Variants in ZBTB8A observed in about 807,000 individuals in gnomAD.
ZBTB8A encodes the protein zinc finger and BTB domain containing 8A.
A neutral mutation model predicts 37.8 loss-of-function variants in ZBTB8A; 19 were observed. That is an observed-to-expected ratio of 0.50 (90% CI 0.35 to 0.74). The LOEUF (loss-of-function observed/expected upper bound fraction) is 0.74, where lower values mean the gene tolerates loss of function less well. Among genes scored for constraint, ZBTB8A ranks in the 30% least tolerant of loss-of-function variants. ZBTB8A has a pLI of 0.01. For missense variants in ZBTB8A, 394 were observed against 537.8 expected (o/e 0.73, Z 2.65); for synonymous variants, 181 against 185.2 (o/e 0.98, Z 0.19).
At chr1:32,544,073 A>C (rs1284008698) in intron 1 of ZBTB8A, among the ~76,000 whole-genome samples, 1 of 152,196 alleles carries the variant, frequency 6.6e-6, no homozygotes, top group Non-Finnish European at 1.5e-5. Context: ...GGGCTCAACC[A>C]GTCCTCTGCC....
At position 32,598,595 on chromosome 1, in the gene ZBTB8A, A is replaced by G. The variant is rs191953698; in HGVS notation, c.994-1492A>G. ...TTCTGCACTGTCCTGACTTTATTTAAATGAATATTCCATAAACATTGATTC... is the reference window on the plus strand; with the variant it reads ...TTCTGCACTGTCCTGACTTTATTTAGATGAATATTCCATAAACATTGATTC... On this transcript the variant is annotated intron_variant, in intron 4 of 4. Transcript: ENST00000373510. Among the ~76,000 whole-genome samples, 55 of 152,194 alleles carry G rather than the reference A, an allele frequency of 3.6e-4. No individual in the cohort carries two copies. The East Asian group carries it at 8.9e-3, about 25-fold the overall frequency.
intron 1 of ZBTB8A, among the ~76,000 whole-genome samples, chr1:32,542,313 G>A (rs1390943291): frequency 6.6e-6 from 1 of 150,876 alleles, no homozygotes; most frequent in Non-Finnish European, 1.5e-5. Flanking sequence ...CCAACACTTT[G>A]GGAGGCCAAG....
chr1:32,591,749 T>TA (rs1644491836), intron 2 of ZBTB8A, among the ~76,000 whole-genome samples: 1 of 152,170 alleles, frequency 6.6e-6, no homozygotes, highest in African/African-American at 2.4e-5. Context: ...TCTCTATATT[T>TA]AAAAAATGAA....
chr1:32,559,457 AT>A (rs1644227061), intron 2 of ZBTB8A, among the ~76,000 whole-genome samples: 1 of 148,942 alleles, frequency 6.7e-6, no homozygotes, highest in African/African-American at 2.5e-5. Context: ...AGGTGACAGT[AT>A]TTTTTTGTTT....
intron 2 of ZBTB8A, among the ~76,000 whole-genome samples, chr1:32,586,650 T>C (rs1315123521): frequency 6.6e-6 from 1 of 151,962 alleles, no homozygotes; most frequent in African/African-American, 2.4e-5. Flanking sequence ...GTAGAGAGAC[T>C]GGCAAGTACA....
intron 2 of ZBTB8A, among the ~76,000 whole-genome samples, chr1:32,576,235 C>T (rs968670453): frequency 2.6e-5 from 4 of 152,170 alleles, no homozygotes; most frequent in African/African-American, 4.8e-5. Flanking sequence ...ACATAGCCTG[C>T]AAAGCCAAAA....
In ZBTB8A at chr1:32,586,538, T is replaced by C. The variant is rs923972852; in HGVS notation, c.-1-6393T>C. ...TACAGAGAGTGAGAAGGAGTGCTTA[T>C]AGATTGTTAAAGGAAAGCCTGTCTG... On this transcript the variant is annotated intron_variant, in intron 2 of 4. Transcript: ENST00000373510. Among the ~76,000 whole-genome samples, 6 of 152,020 alleles carry C rather than the reference T, an allele frequency of 3.9e-5. 1 individual carries two copies. The highest frequency in any genetic ancestry group is 1.5e-4 in the African/African-American group (6 of 41,330).
chr1:32,593,012 T>A lies in ZBTB8A; in HGVS notation c.81T>A (p.Ser27Arg). ...QRRQDVFCDC[S>R]ILVEGKVFKA... ...GGCAAGATGTATTTTGTGACTGCAGTATTCTAGTTGAAGGGAAGGTCTTCA... is the reference window on the plus strand; with the variant it reads ...GGCAAGATGTATTTTGTGACTGCAGAATTCTAGTTGAAGGGAAGGTCTTCA... Residue 27 changes from serine to arginine, a missense_variant, in exon 3 of 5, where the codon AGT becomes AGA. Physicochemically the swap from Ser to Arg is moderately radical, Grantham distance 110. Transcript: ENST00000373510. 1 of 1,614,216 alleles carries A rather than the reference T, an allele frequency of 6.2e-7. No individual in the cohort carries two copies. Among genetic ancestry groups the A allele is most frequent in the Non-Finnish European group, 8.5e-7 (1 of 1,180,050 alleles).
rs565070696 is a variant in ZBTB8A, at chr1:32,550,215, A to C, written c.-83-3244A>C. ...AAAAAAGGATCCTGAGTGTCCATCC[A>C]CAGATCAACTCTAATATCTGCTAGA... On this transcript the variant is annotated intron_variant, in intron 1 of 4. Coordinates refer to ENST00000373510, the MANE Select transcript of ZBTB8A (RefSeq NM_001040441.3). 3.3e-5 allele frequency among the ~76,000 whole-genome samples: 5 copies of C among 152,248 alleles called. No homozygotes were observed. In the South Asian group the frequency reaches 1.0e-3, roughly 32 times the overall value.
chr1:32,555,756 T>G (rs1456764842), intron 2 of ZBTB8A, among the ~76,000 whole-genome samples: 1 of 152,114 alleles, frequency 6.6e-6, no homozygotes, highest in Non-Finnish European at 1.5e-5. Flanking sequence ...GACCAGCATT[T>G]CTAGTGGCCT....
intron 2 of ZBTB8A, among the ~76,000 whole-genome samples, chr1:32,580,668 A>G (rs1162755534): frequency 6.6e-6 from 1 of 152,158 alleles, no homozygotes; most frequent in Non-Finnish European, 1.5e-5. Flanking sequence ...GTTTGTCAGT[A>G]CCCACTTAAC....
intron 2 of ZBTB8A, among the ~76,000 whole-genome samples, chr1:32,559,174 T>A (rs1644225281): frequency 6.6e-6 from 1 of 152,046 alleles, no homozygotes; most frequent in Non-Finnish European, 1.5e-5. Flanking sequence ...TGCAATGGCG[T>A]GATCTCAGCT....
intron 2 of ZBTB8A, among the ~76,000 whole-genome samples, chr1:32,556,665 T>C (rs1472349891): frequency 6.6e-6 from 1 of 151,610 alleles, no homozygotes; most frequent in African/African-American, 2.4e-5. Flanking sequence ...GATCATGAGG[T>C]CAAGATATCA....
intron 2 of ZBTB8A, among the ~76,000 whole-genome samples, chr1:32,585,384 T>A (rs781025556): frequency 6.6e-6 from 1 of 151,974 alleles, no homozygotes. Context: ...ACATACCAGA[T>A]TAATATACAA....
chr1:32,555,915 T>G (rs1479493757), intron 2 of ZBTB8A, among the ~76,000 whole-genome samples: 1 of 151,930 alleles, frequency 6.6e-6, no homozygotes, highest in Non-Finnish European at 1.5e-5. Context: ...TAATTTTAAT[T>G]TAATTTTTTT....
chr1:32,546,430 T>G (rs1644104465), intron 1 of ZBTB8A, among the ~76,000 whole-genome samples: 1 of 149,048 alleles, frequency 6.7e-6, no homozygotes, highest in African/African-American at 2.5e-5. Flanking sequence ...GGTAACAGAG[T>G]GAGACTCTGT....
intron 2 of ZBTB8A, among the ~76,000 whole-genome samples, chr1:32,590,020 T>G (rs1644476542): frequency 6.6e-6 from 1 of 152,122 alleles, no homozygotes; most frequent in South Asian, 2.1e-4. Context: ...TGCATTTGCT[T>G]CTGCAAGGTG....
intron 2 of ZBTB8A, 125 bp from the exon 3 acceptor site, chr1:32,592,806 C>A: frequency 1.3e-6 from 1 of 768,564 alleles, no homozygotes; most frequent in Non-Finnish European, 2.0e-6. Flanking sequence ...CTGTGCCCAG[C>A]CACAGTGAGC....
At chr1:32,552,100 A>G (rs1460213693) in intron 1 of ZBTB8A, among the ~76,000 whole-genome samples, 1 of 152,104 alleles carries the variant, frequency 6.6e-6, no homozygotes, top group Non-Finnish European at 1.5e-5. Flanking sequence ...ACAGTGGCTC[A>G]TGCCTATAAT....
Sources: gnomAD v4.1 joint callset for allele counts (sites outside exome capture counted in the v4.1 genomes callset) on GRCh38, gnomAD v4.1.1 for gene constraint, MANE v1.5 for transcripts, NCBI Gene and HGNC (gene_info 2026-07-23, HGNC 2026-07-21) for gene names.